WDPCP: variants seen among roughly 807,000 people sequenced by gnomAD.
WDPCP encodes WD repeat containing planar cell polarity effector, also known as WD repeat-containing and planar cell polarity effector protein fritz homolog.
WDPCP carries 71 observed loss-of-function variants against 93.1 expected under a neutral mutation model. That is an observed-to-expected ratio of 0.76 (90% CI 0.63 to 0.93). WDPCP has a LOEUF of 0.93. Ranked by LOEUF, WDPCP falls within the 40% of genes least tolerant of loss-of-function variation. WDPCP has a pLI of 0.00. For missense variants in WDPCP, 844 were observed against 887.4 expected (o/e 0.95, Z 0.62); for synonymous variants, 315 against 315.0 (o/e 1.00, Z 0.00).
At chr2:63,632,259 GAAC>G (rs1301565992) in intron 3 of WDPCP, among the ~76,000 whole-genome samples, 1 of 151,824 alleles carries the variant, frequency 6.6e-6, no homozygotes, top group Non-Finnish European at 1.5e-5. Flanking sequence ...ATCAACATGA[GAAC>G]AACAACAACA....
intron 9 of WDPCP, among the ~76,000 whole-genome samples, chr2:63,419,012 G>A (rs1344834952): frequency 6.6e-6 from 1 of 152,176 alleles, no homozygotes; most frequent in African/African-American, 2.4e-5. Flanking sequence ...GTGTGGTAAA[G>A]AAAGAAATGG....
chr2:63,251,332 A>G (rs1680696048), intron 14 of WDPCP, among the ~76,000 whole-genome samples: 1 of 152,164 alleles, frequency 6.6e-6, no homozygotes, highest in South Asian at 2.1e-4. Context: ...AGAAACTAAT[A>G]CAAACATCTG....
rs114901451 is a variant in WDPCP, at chr2:63,770,614, A to T, written n.308+43008T>A. ...AACCAAAAGTTGCTTCTTTATGAAG[A>T]CTAATACAGTGGTTCTCAAAGTGTG... On this transcript the variant is annotated intron_variant and non_coding_transcript_variant, in intron 2 of 4. Coordinates refer to the WDPCP transcript ENST00000467687. Among the ~76,000 whole-genome samples, 939 of 152,134 alleles carry T rather than the reference A, an allele frequency of 6.2e-3. 14 individuals are homozygous for T. The highest frequency in any genetic ancestry group is 0.021 in the African/African-American group (868 of 41,562).
intron 14 of WDPCP, among the ~76,000 whole-genome samples, chr2:63,251,713 G>A (rs528147879): frequency 6.7e-4 from 102 of 151,678 alleles, no homozygotes; most frequent in Non-Finnish European, 1.1e-3. Context: ...GGATGGTCTC[G>A]ATCTCCTGAC....
intron 14 of WDPCP, among the ~76,000 whole-genome samples, chr2:63,213,107 T>C (rs890235637): frequency 7.9e-5 from 12 of 152,162 alleles, no homozygotes; most frequent in African/African-American, 2.7e-4. Context: ...TGAACTCAAT[T>C]CTGCACCAAG....
At chr2:63,278,379 C>T (rs1296630881) in intron 13 of WDPCP, among the ~76,000 whole-genome samples, 1 of 151,956 alleles carries the variant, frequency 6.6e-6, no homozygotes, top group Non-Finnish European at 1.5e-5. Context: ...AATCCAAACC[C>T]AAAACCAGCA....
intron 1 of WDPCP, among the ~76,000 whole-genome samples, chr2:63,545,799 T>G (rs1443868782): frequency 6.7e-6 from 1 of 149,898 alleles, no homozygotes; most frequent in Non-Finnish European, 1.5e-5. Context: ...AACGGTGCAA[T>G]GGTCTACAAA....
intron 12 of WDPCP, among the ~76,000 whole-genome samples, chr2:63,319,030 A>G (rs1009075272): frequency 6.6e-6 from 1 of 152,220 alleles, no homozygotes; most frequent in Non-Finnish European, 1.5e-5. Context: ...GACTGACCCT[A>G]GACTTCTCAT....
At chr2:63,556,034 TA>T (rs912900329) in intron 1 of WDPCP, among the ~76,000 whole-genome samples, 5 of 152,078 alleles carry the variant, frequency 3.3e-5, no homozygotes, top group African/African-American at 1.2e-4. Flanking sequence ...AGAAGGTAAG[TA>T]ATAACAAACT....
chr2:63,756,856 G>A (rs756330453), intron 2 of WDPCP, among the ~76,000 whole-genome samples: 1 of 152,188 alleles, frequency 6.6e-6, no homozygotes, highest in East Asian at 1.9e-4. Flanking sequence ...TTCAGACAGA[G>A]AAGTCAAGTA....
At chr2:63,217,156 T>C (rs565769563) in intron 14 of WDPCP, among the ~76,000 whole-genome samples, 8 of 152,360 alleles carry the variant, frequency 5.3e-5, no homozygotes, top group Non-Finnish European at 1.0e-4. Flanking sequence ...GAGGTAAGAA[T>C]GGTTTTTACT....
At chr2:63,772,099 A>C (rs1358031537) in intron 2 of WDPCP, among the ~76,000 whole-genome samples, 1 of 152,014 alleles carries the variant, frequency 6.6e-6, no homozygotes, top group Non-Finnish European at 1.5e-5. Context: ...CAGTTCTATT[A>C]GTTCTTTAAG....
chr2:63,686,026 C>A (rs372809955), intron 2 of WDPCP, among the ~76,000 whole-genome samples: 1 of 152,108 alleles, frequency 6.6e-6, no homozygotes, highest in African/African-American at 2.4e-5. Flanking sequence ...AACTGAAAAT[C>A]TTTTCTCTAA....
chr2:63,808,806 G>T (rs896226628), intron 2 of WDPCP, among the ~76,000 whole-genome samples: 2 of 149,296 alleles, frequency 1.3e-5, no homozygotes, highest in Non-Finnish European at 3.0e-5. Flanking sequence ...GCCGCCCATC[G>T]TCTGGGACAT....
At chr2:63,517,698 C>T (rs756360216) in intron 1 of WDPCP, among the ~76,000 whole-genome samples, 3 of 152,120 alleles carry the variant, frequency 2.0e-5, no homozygotes, top group Non-Finnish European at 2.9e-5. Flanking sequence ...AGTTGTATTG[C>T]ATTTACAGGA....
chr2:63,326,349 G>A (rs190128012), intron 12 of WDPCP, among the ~76,000 whole-genome samples: 1 of 152,146 alleles, frequency 6.6e-6, no homozygotes, highest in Non-Finnish European at 1.5e-5. Flanking sequence ...TGTTGATGGA[G>A]GTTCGTTTGT....
chr2:63,456,552 T>G (rs1698633829), intron 6 of WDPCP, among the ~76,000 whole-genome samples: 1 of 151,788 alleles, frequency 6.6e-6, no homozygotes, highest in Non-Finnish European at 1.5e-5. Flanking sequence ...AACACCTGCA[T>G]CAAAAAAACA....
At chr2:63,599,122 T>C in intron 3 of WDPCP, 1 of 1,572,444 alleles carries the variant, frequency 6.4e-7, no homozygotes, top group South Asian at 1.2e-5. Context: ...ATAGATTAGT[T>C]AGTAACTATA....
chr2:63,396,835 AC>A (rs1485736680), intron 10 of WDPCP, among the ~76,000 whole-genome samples: 1 of 151,824 alleles, frequency 6.6e-6, no homozygotes, highest in Non-Finnish European at 1.5e-5. Flanking sequence ...CCTCAAGTAG[AC>A]CCCAGTGTTT....
Sources: gnomAD v4.1 joint callset for allele counts (sites outside exome capture counted in the v4.1 genomes callset) on GRCh38, gnomAD v4.1.1 for gene constraint, MANE v1.5 for transcripts, NCBI Gene and HGNC (gene_info 2026-07-23, HGNC 2026-07-21) for gene names.